Variants in PDE4B observed in about 807,000 individuals in gnomAD.
The protein encoded by PDE4B is phosphodiesterase 4B.
Under a neutral mutation model 82.2 loss-of-function variants are expected in PDE4B, and 20 were observed. The ratio of observed to expected loss-of-function variants is 0.24; its 90% CI spans 0.17 to 0.35. The LOEUF (loss-of-function observed/expected upper bound fraction) is 0.35, where lower values mean the gene tolerates loss of function less well. Ranked by LOEUF, PDE4B falls within the 10% of genes least tolerant of loss-of-function variation. The probability of loss-of-function intolerance (pLI) is 1.00; values close to 1 mark genes in which losing one functional copy is unlikely to be tolerated. For missense variants in PDE4B, 655 were observed against 907.2 expected, an observed-to-expected ratio of 0.72 and a Z score of 3.57; for synonymous variants, 320 against 318.9, an observed-to-expected ratio of 1.00 and a Z score of -0.04.
At chr1:65,901,193 C>G (rs1646968540) in intron 1 of PDE4B, among the ~76,000 whole-genome samples, 1 of 151,944 alleles carries the variant, frequency 6.6e-6, no homozygotes, top group African/African-American at 2.4e-5. Context: ...AAAGCTTTTT[C>G]TGCATCATTG....
intron 1 of PDE4B, among the ~76,000 whole-genome samples, chr1:65,823,396 TAAAAAA>T (rs35854326): frequency 1.4e-5 from 1 of 70,420 alleles, no homozygotes; most frequent in Non-Finnish European, 2.7e-5. Flanking sequence ...ACTCCATCTC[TAAAAAA>T]AAAAAAAAAA....
At chr1:66,080,897 C>T (rs1485270721) in intron 3 of PDE4B, among the ~76,000 whole-genome samples, 1 of 152,014 alleles carries the variant, frequency 6.6e-6, no homozygotes, top group Non-Finnish European at 1.5e-5. Context: ...AGCCCTTGCT[C>T]CTATCCCTCT....
intron 3 of PDE4B, among the ~76,000 whole-genome samples, chr1:66,057,158 A>G (rs909882302): frequency 2.6e-4 from 39 of 152,288 alleles, no homozygotes; most frequent in African/African-American, 8.9e-4. Flanking sequence ...ATGAACTTGC[A>G]TAGAGGGAAC....
At chr1:66,287,693 G>A (rs1377341490) in intron 7 of PDE4B, among the ~76,000 whole-genome samples, 2 of 152,134 alleles carry the variant, frequency 1.3e-5, no homozygotes, top group African/African-American at 2.4e-5. Flanking sequence ...TATCGCCTAC[G>A]TTTTAGGCTA....
intron 8 of PDE4B, among the ~76,000 whole-genome samples, chr1:66,354,084 T>A (rs546007917): frequency 1.1e-3 from 162 of 152,318 alleles, no homozygotes; most frequent in African/African-American, 3.8e-3. Context: ...GGCACACGCT[T>A]GGTGTGTGCG....
At position 66,030,214 on chromosome 1, in the gene PDE4B, G is replaced by A. The variant is rs111391924; in HGVS notation, c.281+111379G>A. On this transcript the variant is annotated intron_variant, in intron 3 of 16. Coordinates refer to ENST00000341517, the MANE Select transcript of PDE4B (RefSeq NM_002600.4). ...CAGGAATAAAGCCTACTTGATTGTG[G>A]TGAATAAACCTTTTGATGTGCTGCT... Among the ~76,000 whole-genome samples, 251 of 152,244 alleles carry A rather than the reference G, an allele frequency of 1.6e-3. 1 individual carries two copies. The highest frequency in any genetic ancestry group is 5.5e-3 in the African/African-American group (227 of 41,550).
intron 3 of PDE4B, chr1:66,152,448 A>G: frequency 3.9e-6 from 1 of 255,290 alleles, no homozygotes; most frequent in Non-Finnish European, 8.9e-6. Context: ...GCAGCACACC[A>G]CCACCTATGC....
intron 3 of PDE4B, among the ~76,000 whole-genome samples, chr1:66,103,333 A>G (rs1420894184): frequency 6.6e-6 from 1 of 152,054 alleles, no homozygotes; most frequent in Non-Finnish European, 1.5e-5. Flanking sequence ...TATTTCTCCA[A>G]AGAGTTGGAA....
At chr1:65,844,561 C>CA (rs546380137) in intron 1 of PDE4B, among the ~76,000 whole-genome samples, 1 of 151,040 alleles carries the variant, frequency 6.6e-6, no homozygotes, top group South Asian at 2.1e-4. Flanking sequence ...ATTTGAAATT[C>CA]AAAAAAAAGT....
chr1:66,012,799 G>A (rs2100743759), intron 3 of PDE4B, among the ~76,000 whole-genome samples: 1 of 152,224 alleles, frequency 6.6e-6, no homozygotes, highest in East Asian at 1.9e-4. Flanking sequence ...CTTCTAGCAA[G>A]GTCTTTTTAT....
chr1:66,165,270 A>G (rs1007658483), intron 3 of PDE4B, among the ~76,000 whole-genome samples: 3 of 152,162 alleles, frequency 2.0e-5, no homozygotes, highest in Non-Finnish European at 2.9e-5. Context: ...AGCTATTGTT[A>G]TTAATACTAT....
At chr1:65,927,822 A>G (rs1393800447) in intron 3 of PDE4B, among the ~76,000 whole-genome samples, 1 of 152,122 alleles carries the variant, frequency 6.6e-6, no homozygotes, top group East Asian at 1.9e-4. Flanking sequence ...CCTACCAGTC[A>G]GGGAGCCAAT....
intron 2 of PDE4B, among the ~76,000 whole-genome samples, chr1:65,916,370 T>A (rs1647159618): frequency 6.6e-6 from 1 of 152,176 alleles, no homozygotes; most frequent in South Asian, 2.1e-4. Context: ...CCCATTTAGG[T>A]CACTTACTAC....
chr1:66,065,901 G>A (rs1655821255), intron 3 of PDE4B, among the ~76,000 whole-genome samples: 2 of 151,768 alleles, frequency 1.3e-5, no homozygotes, highest in Non-Finnish European at 2.9e-5. Context: ...CCTCCGCTTA[G>A]GTGCTAGGGT....
intron 1 of PDE4B, among the ~76,000 whole-genome samples, chr1:65,882,527 A>C (rs1646720132): frequency 1.3e-5 from 2 of 152,226 alleles, no homozygotes; most frequent in African/African-American, 4.8e-5. Flanking sequence ...GCAAATGGTT[A>C]AGTAATTATG....
chr1:65,794,789 T>A (rs935165098), intron 1 of PDE4B, among the ~76,000 whole-genome samples: 9 of 152,250 alleles, frequency 5.9e-5, no homozygotes, highest in African/African-American at 1.9e-4. Context: ...ATTTATGAGA[T>A]GGCATGATCG....
At chr1:66,215,664 G>T (rs1274120955) in intron 3 of PDE4B, among the ~76,000 whole-genome samples, 1 of 152,128 alleles carries the variant, frequency 6.6e-6, no homozygotes. Flanking sequence ...AGTCAAAGCT[G>T]AACATGCCCC....
At chr1:66,142,511 T>A (rs1246427485) in intron 3 of PDE4B, among the ~76,000 whole-genome samples, 2 of 152,094 alleles carry the variant, frequency 1.3e-5, no homozygotes, top group African/African-American at 4.8e-5. Flanking sequence ...TTTTTTTAAA[T>A]TTTTTTGACA....
At chr1:66,361,158 C>T (rs1016750774) in intron 9 of PDE4B, among the ~76,000 whole-genome samples, 4 of 152,068 alleles carry the variant, frequency 2.6e-5, no homozygotes, top group South Asian at 2.1e-4. Flanking sequence ...ATGAGCAGAT[C>T]ATGAAGCCTG....
Sources: gnomAD v4.1 joint callset for allele counts (sites outside exome capture counted in the v4.1 genomes callset) on GRCh38, gnomAD v4.1.1 for gene constraint, MANE v1.5 for transcripts, NCBI Gene and HGNC (gene_info 2026-07-23, HGNC 2026-07-21) for gene names.